LMNTD1: variants seen among roughly 807,000 people sequenced by gnomAD.
LMNTD1 encodes the protein lamin tail domain containing 1, also known as lamin tail domain-containing protein 1.
A neutral mutation model predicts 50.9 loss-of-function variants in LMNTD1; 35 were observed. That is an observed-to-expected ratio of 0.69 (90% CI 0.53 to 0.91). The LOEUF (loss-of-function observed/expected upper bound fraction) is 0.91, where lower values mean the gene tolerates loss of function less well. LMNTD1 is among the 40% of genes least tolerant of loss of function. LMNTD1 has a pLI of 0.00. For missense variants in LMNTD1, 470 were observed against 475.5 expected (o/e 0.99, Z 0.11); for synonymous variants, 153 against 161.9 (o/e 0.94, Z 0.42).
intron 4 of LMNTD1, among the ~76,000 whole-genome samples, chr12:25,528,349 C>G (rs58218550): frequency 6.6e-6 from 1 of 152,004 alleles, no homozygotes; most frequent in Non-Finnish European, 1.5e-5. Context: ...AACCCTTGTC[C>G]TTCTGCCTCA....
chr12:25,516,422 T>A (rs1705411), intron 8 of LMNTD1, among the ~76,000 whole-genome samples: 97,345 of 151,656 alleles, frequency 0.64, 33,574 homozygotes, highest in Non-Finnish European at 0.78. Flanking sequence ...AAATCAAATT[T>A]CTCTGGAAAA....
At chr12:25,620,255 C>CA (rs918235408) in intron 1 of LMNTD1, among the ~76,000 whole-genome samples, 10 of 151,890 alleles carry the variant, frequency 6.6e-5, no homozygotes, top group South Asian at 2.1e-4. Context: ...GGCATTTCAA[C>CA]AAAAAAAGGC....
intron 9 of LMNTD1, among the ~76,000 whole-genome samples, chr12:25,483,161 A>C (rs1308340921): frequency 6.6e-6 from 1 of 151,978 alleles, no homozygotes; most frequent in Non-Finnish European, 1.5e-5. Context: ...GTGGTGGCTC[A>C]TGCCTATAAT....
At chr12:25,583,426 TC>T (rs1039108874) in intron 1 of LMNTD1, among the ~76,000 whole-genome samples, 4 of 152,094 alleles carry the variant, frequency 2.6e-5, no homozygotes, top group Non-Finnish European at 5.9e-5. Context: ...TCCTTCTGCC[TC>T]CCATAGTGCT....
intron 3 of LMNTD1, chr12:25,547,295 T>A (rs920819032): frequency 2.7e-5 from 12 of 442,404 alleles, no homozygotes; most frequent in Non-Finnish European, 3.3e-5. Context: ...TGTAATTATA[T>A]TTCAGTTCTG....
chr12:25,585,042 G>A (rs1156789833), intron 1 of LMNTD1, among the ~76,000 whole-genome samples: 1 of 152,164 alleles, frequency 6.6e-6, no homozygotes, highest in African/African-American at 2.4e-5. Context: ...TTAATAAAGG[G>A]TCTGACCTTG....
At chr12:25,533,020 T>C (rs1161744030) in intron 4 of LMNTD1, among the ~76,000 whole-genome samples, 2 of 152,208 alleles carry the variant, frequency 1.3e-5, no homozygotes, top group African/African-American at 4.8e-5. Flanking sequence ...CAGTTGCTTT[T>C]CAAAAATCCT....
intron 4 of LMNTD1, among the ~76,000 whole-genome samples, chr12:25,537,234 G>C (rs1488094803): frequency 1.3e-5 from 2 of 152,222 alleles, no homozygotes; most frequent in Admixed American, 1.3e-4. Flanking sequence ...CACAGCTCAA[G>C]GAGGCCTGCA....
At chr12:25,503,682 A>T in intron 9 of LMNTD1, 56 bp downstream of exon 9, 1 of 878,430 alleles carries the variant, frequency 1.1e-6, no homozygotes, top group Non-Finnish European at 1.9e-6. Flanking sequence ...TCTGCCCATT[A>T]CTTTAGTCAT....
chr12:25,537,142 G>A (rs563670501), intron 4 of LMNTD1, among the ~76,000 whole-genome samples: 1 of 152,316 alleles, frequency 6.6e-6, no homozygotes, highest in East Asian at 1.9e-4. Flanking sequence ...CAGCAGCGAG[G>A]CTGGGGGAGG....
In LMNTD1 at chr12:25,515,286, G is replaced by A. The variant is rs1292155364; in HGVS notation, c.1189+3509C>T. ...TTAATAGGGGAATAAACAAGATACA[G>A]TAAATTTGTATAATAAAATACTACA... On this transcript the variant is annotated intron_variant, in intron 8 of 9. Coordinates refer to ENST00000458174, the MANE Select transcript of LMNTD1 (RefSeq NM_001145728.2). 2.0e-5 allele frequency among the ~76,000 whole-genome samples: 3 copies of A among 151,814 alleles called. No individual in the cohort carries two copies. In the East Asian group the frequency reaches 5.8e-4, roughly 29 times the overall value.
At chr12:25,626,174 C>T (rs2136580269) in intron 1 of LMNTD1, among the ~76,000 whole-genome samples, 1 of 152,246 alleles carries the variant, frequency 6.6e-6, no homozygotes, top group Non-Finnish European at 1.5e-5. Flanking sequence ...TTTCACATTT[C>T]TAAACAAGCA....
intron 4 of LMNTD1, among the ~76,000 whole-genome samples, chr12:25,536,709 A>G (rs1204264232): frequency 9.6e-6 from 1 of 104,050 alleles, no homozygotes; most frequent in East Asian, 2.4e-4. Context: ...AATAAAGCCC[A>G]AAGTAGGGGA....
At chr12:25,485,557 G>A (rs1175764447) in intron 9 of LMNTD1, among the ~76,000 whole-genome samples, 192 of 138,634 alleles carry the variant, frequency 1.4e-3, no homozygotes, top group African/African-American at 5.0e-3. Flanking sequence ...TGCTTTTGGT[G>A]TTTTGGACAT....
chr12:25,549,154 G>C (rs1480104819), intron 3 of LMNTD1, among the ~76,000 whole-genome samples, 172 bp downstream of exon 3: 1 of 151,958 alleles, frequency 6.6e-6, no homozygotes, highest in Non-Finnish European at 1.5e-5. Flanking sequence ...TAATACCCCA[G>C]TTCTAGGATC....
intron 9 of LMNTD1, among the ~76,000 whole-genome samples, chr12:25,493,179 A>G (rs946960078): frequency 7.9e-5 from 12 of 152,208 alleles, no homozygotes; most frequent in African/African-American, 2.9e-4. Flanking sequence ...CTGGTCTATG[A>G]CTTCTTTAAA....
At chr12:25,541,384 T>C (rs1362826228) in intron 4 of LMNTD1, among the ~76,000 whole-genome samples, 2 of 147,398 alleles carry the variant, frequency 1.4e-5, no homozygotes, top group Non-Finnish European at 3.0e-5. Context: ...TATAGATCAA[T>C]GGAACAGAAC....
intron 4 of LMNTD1, among the ~76,000 whole-genome samples, chr12:25,539,606 C>T (rs1023956034): frequency 1.3e-5 from 2 of 151,402 alleles, no homozygotes; most frequent in African/African-American, 2.4e-5. Flanking sequence ...GCACTAAATG[C>T]CCACAAGAGA....
intron 1 of LMNTD1, among the ~76,000 whole-genome samples, chr12:25,642,149 A>T (rs1053112913): frequency 4.6e-5 from 7 of 152,214 alleles, no homozygotes; most frequent in African/African-American, 1.7e-4. Context: ...TAAAGGGTCC[A>T]GGTAAGGAAC....
Sources: gnomAD v4.1 joint callset for allele counts (sites outside exome capture counted in the v4.1 genomes callset) on GRCh38, gnomAD v4.1.1 for gene constraint, MANE v1.5 for transcripts, NCBI Gene and HGNC (gene_info 2026-07-23, HGNC 2026-07-21) for gene names.